Variants in AFF3 observed in about 807,000 individuals in gnomAD.
AFF3 encodes AF4/FMR2 family member 3.
In AFF3, 32 loss-of-function variants were observed where a neutral mutation model predicts 129.7. The ratio of observed to expected loss-of-function variants is 0.25; its 90% CI spans 0.19 to 0.33. The LOEUF is 0.33. Ranked by LOEUF, AFF3 falls within the 10% of genes least tolerant of loss-of-function variation. The pLI, the probability that AFF3 is intolerant of heterozygous loss-of-function variation, is 1.00. For synonymous variants in AFF3, 644 were observed against 635.4 expected (o/e 1.01, Z -0.20); for missense variants, 1,373 against 1,592.0 (o/e 0.86, Z 2.34).
intron 7 of AFF3, among the ~76,000 whole-genome samples, chr2:99,886,654 G>T (rs1693134235): frequency 6.6e-6 from 1 of 152,096 alleles, no homozygotes; most frequent in East Asian, 1.9e-4. Flanking sequence ...TTTAAAAATG[G>T]TCTATATACC....
At chr2:100,031,445 T>C (rs531126059) in intron 4 of AFF3, among the ~76,000 whole-genome samples, 21 of 152,196 alleles carry the variant, frequency 1.4e-4, no homozygotes, top group Non-Finnish European at 2.8e-4. Flanking sequence ...AATGTATACA[T>C]ACACACAGAG....
At chr2:99,988,609 A>G (rs1680076959) in intron 7 of AFF3, among the ~76,000 whole-genome samples, 1 of 152,206 alleles carries the variant, frequency 6.6e-6, no homozygotes, top group Non-Finnish European at 1.5e-5. Flanking sequence ...CATTTGGGAA[A>G]TGCTGCCTCC....
intron 8 of AFF3, among the ~76,000 whole-genome samples, chr2:99,815,003 TC>T (rs999847452): frequency 1.1e-4 from 16 of 151,294 alleles, no homozygotes; most frequent in Non-Finnish European, 1.6e-4. Flanking sequence ...GCGTGTACCA[TC>T]CCCCCCGGCT....
At chr2:99,819,683 G>C (rs1202219775) in intron 8 of AFF3, among the ~76,000 whole-genome samples, 1 of 152,214 alleles carries the variant, frequency 6.6e-6, no homozygotes, top group Non-Finnish European at 1.5e-5. Flanking sequence ...CTTGCAAAAT[G>C]TACACTCTAC....
chr2:99,852,768 A>G (rs1690244793), intron 7 of AFF3, among the ~76,000 whole-genome samples: 1 of 152,230 alleles, frequency 6.6e-6, no homozygotes, highest in African/African-American at 2.4e-5. Flanking sequence ...TCCTTTCAGC[A>G]TGAAACTTCC....
At chr2:99,913,682 G>T (rs532157612) in intron 7 of AFF3, among the ~76,000 whole-genome samples, 1 of 152,214 alleles carries the variant, frequency 6.6e-6, no homozygotes, top group South Asian at 2.1e-4. Context: ...CTGATTCTAG[G>T]TTGGGGTTGT....
intron 16 of AFF3, among the ~76,000 whole-genome samples, chr2:99,586,299 C>T (rs922562876): frequency 1.2e-4 from 19 of 152,218 alleles, no homozygotes; most frequent in African/African-American, 4.1e-4. Context: ...CTCAGACCCA[C>T]AGGAGCCCTC....
chr2:99,793,825 AAT>A (rs1685377102), intron 8 of AFF3, among the ~76,000 whole-genome samples: 1 of 152,076 alleles, frequency 6.6e-6, no homozygotes, highest in South Asian at 2.1e-4. Context: ...CTTTGGGTTT[AAT>A]TTACTCTTTG....
intron 19 of AFF3, among the ~76,000 whole-genome samples, chr2:99,568,095 AC>A (rs1249552134): frequency 6.6e-6 from 1 of 152,144 alleles, no homozygotes; most frequent in Non-Finnish European, 1.5e-5. Context: ...GGGTACTGTT[AC>A]TGTTTAAACA....
chr2:99,711,974 T>G (rs1171156236), intron 11 of AFF3, among the ~76,000 whole-genome samples: 1 of 152,128 alleles, frequency 6.6e-6, no homozygotes, highest in Non-Finnish European at 1.5e-5. Context: ...AGCTGAAGTT[T>G]CTTAACTCAT....
At chr2:99,866,211 T>C (rs138967776) in intron 7 of AFF3, among the ~76,000 whole-genome samples, 53 of 152,364 alleles carry the variant, frequency 3.5e-4, no homozygotes, top group African/African-American at 1.2e-3. Flanking sequence ...TCTTTTTCAG[T>C]TCTTCCACAT....
chr2:99,621,568 T>C (rs904863903), intron 13 of AFF3, among the ~76,000 whole-genome samples: 4 of 152,240 alleles, frequency 2.6e-5, no homozygotes, highest in African/African-American at 9.7e-5. Flanking sequence ...CATATGTGCC[T>C]GGTACTGTTC....
At chr2:99,754,599 G>T (rs557065868) in intron 8 of AFF3, among the ~76,000 whole-genome samples, 21 of 152,172 alleles carry the variant, frequency 1.4e-4, no homozygotes, top group Non-Finnish European at 2.6e-4. Flanking sequence ...AAAATGAAAA[G>T]TCCATAAAAA....
intron 7 of AFF3, among the ~76,000 whole-genome samples, chr2:99,874,148 G>C (rs1692098789): frequency 6.6e-6 from 1 of 152,156 alleles, no homozygotes; most frequent in African/African-American, 2.4e-5. Context: ...CTGCACTCCA[G>C]CCTGGGCGAT....
chr2:99,848,620 T>A (rs1037409782), intron 7 of AFF3, among the ~76,000 whole-genome samples: 4 of 152,174 alleles, frequency 2.6e-5, no homozygotes, highest in Admixed American at 2.0e-4. Flanking sequence ...CTAAAAGACA[T>A]CCAAGATGAT....
At chr2:99,573,500 C>A (rs770466312) in intron 18 of AFF3, among the ~76,000 whole-genome samples, 2 of 152,216 alleles carry the variant, frequency 1.3e-5, no homozygotes, top group Non-Finnish European at 2.9e-5. Context: ...GCCTTCCCAG[C>A]TGCAATTTCG....
Position 99,554,619 on chromosome 2 carries a change from G to A in AFF3, c.3335+64C>T, listed in dbSNP as rs1674747477. On this transcript the variant is annotated intron_variant, in intron 23 of 24. Coordinates refer to ENST00000672756, the MANE Select transcript of AFF3 (RefSeq NM_001386135.1). ...AGCCCCTTGGGGAACAGAAAGCAAA[G>A]CGCAGTGGCCCAGCACCATGCATTG... is the stretch of plus-strand genomic sequence containing the variant. The A allele has an allele frequency of 2.5e-6, 4 of 1,612,162 alleles. No homozygotes were observed. The African/African-American group carries it at 4.0e-5, about 16-fold the overall frequency.
intron 13 of AFF3, among the ~76,000 whole-genome samples, chr2:99,644,022 T>C (rs62154532): frequency 0.12 from 17,802 of 152,220 alleles, 1,129 homozygotes; most frequent in East Asian, 0.15. Context: ...CACACGGCTG[T>C]TTCTCATCCT....
chr2:99,835,278 C>A (rs1558897458), intron 8 of AFF3, among the ~76,000 whole-genome samples: 1 of 152,184 alleles, frequency 6.6e-6, no homozygotes, highest in Non-Finnish European at 1.5e-5. Flanking sequence ...GGATCTACGA[C>A]CTAGCTCTGT....
Sources: gnomAD v4.1 joint callset for allele counts (sites outside exome capture counted in the v4.1 genomes callset) on GRCh38, gnomAD v4.1.1 for gene constraint, MANE v1.5 for transcripts, NCBI Gene and HGNC (gene_info 2026-07-23, HGNC 2026-07-21) for gene names.